Variants in DSCAM observed in about 807,000 individuals in gnomAD.
The protein encoded by DSCAM is cell adhesion molecule DSCAM.
A neutral mutation model predicts 217.7 loss-of-function variants in DSCAM; 47 were observed. The ratio of observed to expected loss-of-function variants is 0.22; its 90% CI spans 0.17 to 0.28. The LOEUF (loss-of-function observed/expected upper bound fraction) is 0.28. DSCAM is among the 10% of genes least tolerant of loss of function. The pLI, the probability that DSCAM is intolerant of heterozygous loss-of-function variation, is 1.00. For synonymous variants in DSCAM, 1,056 were observed against 1,015.3 expected (o/e 1.04, Z -0.76); for missense variants, 2,080 against 2,618.3 (o/e 0.79, Z 4.49).
At chr21:40,702,239 G>A (rs949724368) in intron 2 of DSCAM, among the ~76,000 whole-genome samples, 5 of 152,192 alleles carry the variant, frequency 3.3e-5, no homozygotes, top group African/African-American at 7.2e-5. Flanking sequence ...TTATGATACT[G>A]TAATGGTGAT....
intron 32 of DSCAM, among the ~76,000 whole-genome samples, chr21:40,030,502 G>T (rs2088500510): frequency 6.6e-6 from 1 of 152,166 alleles, no homozygotes; most frequent in Non-Finnish European, 1.5e-5. Flanking sequence ...TCCTTCTGGT[G>T]GTCCAGAGAG....
At chr21:40,443,902 A>T (rs2075653227) in intron 3 of DSCAM, among the ~76,000 whole-genome samples, 1 of 152,200 alleles carries the variant, frequency 6.6e-6, no homozygotes, top group Non-Finnish European at 1.5e-5. Flanking sequence ...ACAAACAGGC[A>T]TTTATGTCAA....
At chr21:40,639,689 A>ATGTGTGTGTG (rs56796261) in intron 3 of DSCAM, among the ~76,000 whole-genome samples, 21 of 150,282 alleles carry the variant, frequency 1.4e-4, no homozygotes, top group African/African-American at 3.2e-4. Context: ...ATGTGTGTGC[A>ATGTGTGTGTG]TGTGTGTGTG....
At chr21:40,475,162 T>G (rs1335525688) in intron 3 of DSCAM, among the ~76,000 whole-genome samples, 1 of 152,264 alleles carries the variant, frequency 6.6e-6, no homozygotes, top group African/African-American at 2.4e-5. Context: ...CTTTCATATC[T>G]TTGATTGTGA....
intron 3 of DSCAM, among the ~76,000 whole-genome samples, chr21:40,442,577 T>C (rs1056968996): frequency 6.0e-5 from 8 of 133,644 alleles, no homozygotes; most frequent in African/African-American, 2.2e-4. Flanking sequence ...CGGAGTGCAG[T>C]GGCACGATCT....
chr21:40,836,461 A>G (rs1388338927), intron 1 of DSCAM, among the ~76,000 whole-genome samples: 1 of 152,186 alleles, frequency 6.6e-6, no homozygotes, highest in Non-Finnish European at 1.5e-5. Context: ...TCTACTCAGA[A>G]TCTTTCTTGT....
At chr21:40,635,443 A>G (rs376449964) in intron 3 of DSCAM, among the ~76,000 whole-genome samples, 2 of 152,212 alleles carry the variant, frequency 1.3e-5, no homozygotes, top group Non-Finnish European at 2.9e-5. Flanking sequence ...AGTAGAGTTA[A>G]TGAAAATAAT....
At chr21:40,818,247 T>A (rs547580193) in intron 1 of DSCAM, among the ~76,000 whole-genome samples, 76 of 150,256 alleles carry the variant, frequency 5.1e-4, no homozygotes, top group African/African-American at 1.7e-3. Flanking sequence ...GTTTTCTTTT[T>A]AAAAAAAAGA....
intron 9 of DSCAM, among the ~76,000 whole-genome samples, chr21:40,299,855 C>T (rs572791053): frequency 1.5e-3 from 223 of 152,146 alleles, no homozygotes; most frequent in South Asian, 2.9e-3. Context: ...TATTAATATT[C>T]GACCTAGATA....
At chr21:40,526,515 A>G (rs2076401788) in intron 3 of DSCAM, among the ~76,000 whole-genome samples, 1 of 152,148 alleles carries the variant, frequency 6.6e-6, no homozygotes, top group South Asian at 2.1e-4. Flanking sequence ...TCAGGTGTGT[A>G]GAAGACAAGG....
intron 6 of DSCAM, among the ~76,000 whole-genome samples, chr21:40,342,044 T>G (rs997205619): frequency 6.6e-6 from 1 of 152,212 alleles, no homozygotes; most frequent in Non-Finnish European, 1.5e-5. Flanking sequence ...AGAAATACCG[T>G]GGAAGGCACG....
intron 3 of DSCAM, among the ~76,000 whole-genome samples, chr21:40,428,802 G>A (rs938281442): frequency 1.3e-5 from 2 of 151,514 alleles, no homozygotes; most frequent in Non-Finnish European, 2.9e-5. Context: ...ACATGATATC[G>A]TTCTACTTCC....
chr21:40,541,391 T>C (rs2076541722), intron 3 of DSCAM, among the ~76,000 whole-genome samples: 2 of 152,126 alleles, frequency 1.3e-5, no homozygotes, highest in Admixed American at 1.3e-4. Flanking sequence ...AGATAATACA[T>C]ATTTGAAACA....
At chr21:40,175,811 A>ACACGCACG (rs1555886112) in intron 15 of DSCAM, among the ~76,000 whole-genome samples, 16 of 127,472 alleles carry the variant, frequency 1.3e-4, no homozygotes, top group African/African-American at 3.7e-4. Context: ...ACACACACGC[A>ACACGCACG]CACACACACA....
At chr21:40,046,404 C>T (rs1240708458) in intron 30 of DSCAM, among the ~76,000 whole-genome samples, 2 of 147,134 alleles carry the variant, frequency 1.4e-5, no homozygotes, top group African/African-American at 5.0e-5. Flanking sequence ...TGCACAATTC[C>T]ACGGAAGACT....
intron 3 of DSCAM, among the ~76,000 whole-genome samples, chr21:40,498,678 T>C (rs1448357286): frequency 1.3e-4 from 1 of 7,812 alleles, no homozygotes; most frequent in African/African-American, 5.4e-4. Context: ...CATATATATA[T>C]ATATATATAT....
At chr21:40,671,297 C>T (rs1213590448) in intron 3 of DSCAM, among the ~76,000 whole-genome samples, 1 of 152,166 alleles carries the variant, frequency 6.6e-6, no homozygotes, top group Non-Finnish European at 1.5e-5. Context: ...CACTGTAAAA[C>T]TTATAAGGAG....
chr21:40,290,350 C>T lies in DSCAM; in HGVS notation c.2182+5705G>A, dbSNP rs184611818. 6.0e-4 allele frequency among the ~76,000 whole-genome samples: 92 copies of T among 152,260 alleles called. No homozygotes were observed. The South Asian group carries it at 8.9e-3, about 15-fold the overall frequency. On this transcript the variant is annotated intron_variant, in intron 10 of 32. Transcript: ENST00000400454. ...AATTTACCAGACTTCAGGGCAGGTG[C>T]GGTGGCTCACGTCTGTAATCCCAGC...
intron 1 of DSCAM, among the ~76,000 whole-genome samples, chr21:40,788,994 A>C (rs913676936): frequency 6.6e-6 from 1 of 152,252 alleles, no homozygotes; most frequent in Non-Finnish European, 1.5e-5. Flanking sequence ...CTAGAAAAAA[A>C]TATGAGTATT....
Sources: gnomAD v4.1 joint callset for allele counts (sites outside exome capture counted in the v4.1 genomes callset) on GRCh38, gnomAD v4.1.1 for gene constraint, MANE v1.5 for transcripts, NCBI Gene and HGNC (gene_info 2026-07-23, HGNC 2026-07-21) for gene names.